The following PABIR3 variants were observed in gnomAD, a reference collection of about 807,000 sequenced individuals.
PABIR3 encodes the protein PABIR family member 1.
PABIR3 carries 20 observed loss-of-function variants against 23.1 expected under a neutral mutation model. The observed-to-expected ratio is 0.86, with a 90% CI of 0.61 to 1.26. The LOEUF is 1.26. PABIR3 is among the 50% of genes most tolerant of loss of function. The probability of loss-of-function intolerance (pLI) is 0.00; values close to 1 mark genes in which losing one functional copy is unlikely to be tolerated. For synonymous variants in PABIR3, 69 were observed against 68.5 expected (o/e 1.01, Z -0.04); for missense variants, 189 against 195.4 (o/e 0.97, Z 0.20).
Position 134,807,569 on chromosome X carries a change from A to C in PABIR3, c.-30A>C. On this transcript the variant is annotated 5_prime_UTR_variant, in exon 2 of 11. Transcript: ENST00000645433. The stretch of plus-strand genomic sequence containing the variant: ...GTCCTTGTGTGGACGGGAGCCGGAA[A>C]GCCTTGAGAACTTATTCCTCGACCC... 2 of 1,209,241 alleles carry C rather than the reference A, an allele frequency of 1.7e-6. No individual in the cohort carries two copies. The highest frequency in any genetic ancestry group is 2.2e-6 in the Non-Finnish European group (2 of 894,026).
chrX:134,855,804 T>C (rs968071100), downstream of PABIR3, among the ~76,000 whole-genome samples: 3 of 111,819 alleles, frequency 2.7e-5, no homozygotes, highest in African/African-American at 9.8e-5. Context: ...TGATGGTCTC[T>C]TGAAACTGGG....
At chrX:134,838,598 T>C (rs1408909057) in intron 4 of PABIR3, 2 of 94,034 alleles carry the variant, frequency 2.1e-5, no homozygotes, top group African/African-American at 4.6e-5. Context: ...CCACTGTGCC[T>C]GGCCAAATTT....
At chrX:134,799,855 C>T (rs1019122181) in intron 1 of PABIR3, 2 of 110,477 alleles carry the variant, frequency 1.8e-5, no homozygotes, top group African/African-American at 6.6e-5. Flanking sequence ...GTAATCCCAG[C>T]TACTCCGGAG....
intron 3 of PABIR3, among the ~76,000 whole-genome samples, chrX:134,818,434 G>A (rs2081093771): frequency 8.9e-6 from 1 of 111,753 alleles, no homozygotes; most frequent in African/African-American, 3.3e-5. Context: ...AGAGGCAGGA[G>A]GAGGCTTCAG....
intron 6 of PABIR3, among the ~76,000 whole-genome samples, chrX:134,846,489 G>A (rs989183010): frequency 4.5e-5 from 5 of 112,228 alleles, no homozygotes; most frequent in African/African-American, 1.6e-4. Flanking sequence ...GATATTTAGT[G>A]TTCTTTTCTA....
At chrX:134,844,956 T>G (rs993399276) in intron 4 of PABIR3, among the ~76,000 whole-genome samples, 4 of 112,304 alleles carry the variant, frequency 3.6e-5, no homozygotes, top group African/African-American at 9.7e-5. Context: ...TAAAGAAAAG[T>G]ACAAAGTTTT....
rs771891870 is a variant in PABIR3, at chrX:134,845,171, T to G, written c.247-34T>G. On this transcript the variant is annotated intron_variant, in intron 4 of 10. Transcript: ENST00000645433. ...ATTTTATAAAACCATAGGAACTGGG[T>G]ATTCAGTTTATTCTCATTTTCCTAC... 7 of 1,100,038 alleles carry G rather than the reference T, an allele frequency of 6.4e-6. No individual in the cohort carries two copies. The South Asian group carries it at 1.4e-4, about 22-fold the overall frequency. The allele number at this position is 1,100,038 out of a possible 1,213,427, so 90.7% of individuals were successfully genotyped here. A position where few individuals can be genotyped will look rare whatever the true frequency, so the allele number is the denominator to read the frequency against.
chrX:134,810,015 C>T, intron 2 of PABIR3: 1 of 754,376 alleles, frequency 1.3e-6, no homozygotes, highest in Non-Finnish European at 1.6e-6. Context: ...GGATTTTGCT[C>T]TAATTCTGTT....
At position 134,817,649 on chromosome X, in the gene PABIR3, T is replaced by C. The variant is rs1356183559; in HGVS notation, c.189+2800T>C. Among the ~76,000 whole-genome samples the C allele has an allele frequency of 2.7e-5, 3 of 109,163 alleles. No individual in the cohort carries two copies. The East Asian group carries it at 8.5e-4, about 31-fold the overall frequency. The allele number at this position is 109,163 out of a possible 115,157, so 94.8% of individuals were successfully genotyped here. On this transcript the variant is annotated intron_variant, in intron 3 of 10. Transcript: ENST00000645433. ...GAAGTGTGGTGTATAGATAAAAGAG[T>C]GTGTATAAAATTTGAAAGAAGTGCA...
At chrX:134,832,128 AT>A (rs2081810530) in intron 4 of PABIR3, among the ~76,000 whole-genome samples, 1 of 109,687 alleles carries the variant, frequency 9.1e-6, no homozygotes, top group Non-Finnish European at 1.9e-5. Context: ...AAATACAAAA[AT>A]TAGCCGTGCG....
At chrX:134,842,407 G>T (rs961642810) in intron 4 of PABIR3, among the ~76,000 whole-genome samples, 11 of 110,199 alleles carry the variant, frequency 1.0e-4, no homozygotes, top group Non-Finnish European at 2.1e-4. Flanking sequence ...AGGAGATCGA[G>T]ACCATCCTGT....
rs1603237155 is a variant in PABIR3 at position 134,840,124 on chromosome X, G to C, written c.247-5081G>C. ...CAGGGTTAAATGGATTAAGGGCGGT[G>C]CAAGATGTGCTTTGTTAAACAGATG... is the stretch of plus-strand genomic sequence containing the variant. On this transcript the variant is annotated intron_variant, in intron 4 of 10. Coordinates refer to ENST00000645433, the MANE Select transcript of PABIR3 (RefSeq NM_001388447.1). Among the ~76,000 whole-genome samples the C allele has an allele frequency of 2.7e-5, 3 of 111,739 alleles. No individual in the cohort carries two copies. The Admixed American group carries it at 2.8e-4, about 11-fold the overall frequency.
At chrX:134,799,043 AAG>A (rs1011542118) in intron 1 of PABIR3, among the ~76,000 whole-genome samples, 3 of 112,321 alleles carry the variant, frequency 2.7e-5, no homozygotes, top group Non-Finnish European at 3.7e-5. Context: ...TAGACACAAG[AAG>A]AGTGTATTCA....
At chrX:134,820,316 A>G (rs1274734391) in intron 3 of PABIR3, among the ~76,000 whole-genome samples, 1 of 112,239 alleles carries the variant, frequency 8.9e-6, no homozygotes, top group Non-Finnish European at 1.9e-5. Flanking sequence ...AGTAGATATT[A>G]TATTACAAAA....
upstream of PABIR3, among the ~76,000 whole-genome samples, chrX:134,806,719 T>C (rs1301527453): frequency 3.6e-5 from 4 of 109,883 alleles, no homozygotes; most frequent in Non-Finnish European, 7.6e-5. Flanking sequence ...TCAGTTAGGT[T>C]AGCACCTTAG....
At chrX:134,818,934 CTTTTTTTTTTT>C (rs1216993828) in intron 3 of PABIR3, among the ~76,000 whole-genome samples, 2 of 77,063 alleles carry the variant, frequency 2.6e-5, no homozygotes, top group South Asian at 6.8e-4. Context: ...TTTTTTCTTT[CTTTTTTTTTTT>C]TTTTTTTTTT....
chrX:134,799,093 G>A lies in PABIR3; in HGVS notation c.-98+2229G>A, dbSNP rs184770200. Among the ~76,000 whole-genome samples the A allele has an allele frequency of 9.0e-5, 10 of 111,722 alleles. No homozygotes were observed. In the East Asian group the frequency reaches 2.5e-3, roughly 28 times the overall value. On this transcript the variant is annotated intron_variant, in intron 1 of 4. Transcript: ENST00000414371. ...TAGCAGGTGAATACATAACTCTTAG[G>A]AAAAGCGTGAAAAGTTTTTTTTTTT...
chrX:134,842,762 G>C (rs1367556986), intron 4 of PABIR3, among the ~76,000 whole-genome samples: 3 of 110,624 alleles, frequency 2.7e-5, no homozygotes, highest in Non-Finnish European at 5.7e-5. Flanking sequence ...GCTGGGTGTG[G>C]TGGCGGGTGC....
At chrX:134,804,223 G>T, upstream of PABIR3, 1 of 1,151,670 alleles carries the variant, frequency 8.7e-7, no homozygotes, top group South Asian at 1.9e-5. Flanking sequence ...GGAACTGGAA[G>T]GACTGATCAA....
Sources: allele counts gnomAD v4.1 joint callset (sites outside exome capture counted in the v4.1 genomes callset), GRCh38; gene constraint gnomAD v4.1.1; transcripts MANE v1.5; gene names NCBI Gene and HGNC (gene_info 2026-07-23, HGNC 2026-07-21).